Variants in MLLT3 observed in about 807,000 individuals in gnomAD.
The protein encoded by MLLT3 is MLLT3 super elongation complex subunit, also known as protein AF-9.
Under a neutral mutation model 53.2 loss-of-function variants are expected in MLLT3, and 4 were observed. The observed-to-expected ratio is 0.08, with a 90% confidence interval of 0.04 to 0.17. The LOEUF is 0.17. MLLT3 is among the 10% of genes least tolerant of loss of function. MLLT3 has a pLI of 1.00. For missense variants in MLLT3, 569 were observed against 684.0 expected (o/e 0.83, Z 1.87); for synonymous variants, 283 against 230.6 (o/e 1.23, Z -2.06).
intron 2 of MLLT3, among the ~76,000 whole-genome samples, chr9:20,560,850 T>A (rs879115261): frequency 6.6e-6 from 1 of 152,176 alleles, no homozygotes; most frequent in Admixed American, 6.6e-5. Flanking sequence ...ATACAGATTG[T>A]GTAACAATCA....
At position 20,346,305 on chromosome 9, in the gene MLLT3, A is replaced by T. The variant is rs1820864601; in HGVS notation, c.*138T>A. The stretch of plus-strand genomic sequence containing the variant: ...GAAAAATAAAGCTGAAGGTTGTTTG[A>T]TTTTTATTTTTTCCCTTTTGGTTGC... On this transcript the variant is annotated 3_prime_UTR_variant, in exon 11 of 11. Coordinates refer to ENST00000380338, the MANE Select transcript of MLLT3 (RefSeq NM_004529.4). The T allele has an allele frequency of 1.1e-6, 1 of 906,008 alleles. No individual in the cohort carries two copies. The highest frequency in any genetic ancestry group is 1.6e-6 in the Non-Finnish European group (1 of 636,896). The allele number at this position is 906,008 out of a possible 1,614,324, so 56.1% of individuals were successfully genotyped here.
intron 2 of MLLT3, among the ~76,000 whole-genome samples, chr9:20,594,642 C>A (rs1820208824): frequency 6.6e-6 from 1 of 152,182 alleles, no homozygotes; most frequent in Non-Finnish European, 1.5e-5. Context: ...GTCATAAAGA[C>A]CCTGCTTACA....
chr9:20,347,241 G>C (rs1022085899), intron 10 of MLLT3, among the ~76,000 whole-genome samples: 1 of 152,084 alleles, frequency 6.6e-6, no homozygotes, highest in African/African-American at 2.4e-5. Flanking sequence ...TGGTGAAAAT[G>C]TATCTACCTG....
In MLLT3 at chr9:20,588,680, G is replaced by A. The variant is rs553177133; in HGVS notation, c.193+31974C>T. On this transcript the variant is annotated intron_variant, in intron 2 of 10. Transcript: ENST00000380338. ...GTGTACAGGAATGCCTGTGATTTTT[G>A]CACATTGATTTTGTATCCTGAGACT... Among the ~76,000 whole-genome samples the A allele has an allele frequency of 9.9e-5, 15 of 152,242 alleles. No individual in the cohort carries two copies. The South Asian group carries it at 2.1e-3, about 21-fold the overall frequency.
intron 2 of MLLT3, among the ~76,000 whole-genome samples, chr9:20,606,102 G>T (rs1004399867): frequency 7.2e-5 from 11 of 152,116 alleles, no homozygotes; most frequent in African/African-American, 2.6e-4. Context: ...ATTCAATAAC[G>T]TAAAACTATC....
chr9:20,475,865 TAAAGCTATTG>T (rs1824506795), intron 2 of MLLT3, among the ~76,000 whole-genome samples: 1 of 152,130 alleles, frequency 6.6e-6, no homozygotes, highest in African/African-American at 2.4e-5. Context: ...AGAATATCAG[TAAAGCTATTG>T]GTCAGTGTGT....
intron 4 of MLLT3, among the ~76,000 whole-genome samples, chr9:20,428,617 T>C (rs1021464502): frequency 1.3e-5 from 2 of 151,948 alleles, no homozygotes; most frequent in African/African-American, 2.4e-5. Flanking sequence ...GGATGATAAA[T>C]GCACAGAAGA....
chr9:20,406,344 T>C (rs1472364579), intron 5 of MLLT3, among the ~76,000 whole-genome samples: 1 of 152,198 alleles, frequency 6.6e-6, no homozygotes, highest in Non-Finnish European at 1.5e-5. Flanking sequence ...AACTTTGTAC[T>C]ATCTGGACCA....
At chr9:20,572,817 G>C (rs1168562203) in intron 2 of MLLT3, among the ~76,000 whole-genome samples, 1 of 152,034 alleles carries the variant, frequency 6.6e-6, no homozygotes, top group African/African-American at 2.4e-5. Context: ...ATATAAATAA[G>C]TAAACAGTAA....
intron 2 of MLLT3, among the ~76,000 whole-genome samples, chr9:20,482,455 G>A (rs1354338971): frequency 6.6e-6 from 1 of 152,100 alleles, no homozygotes; most frequent in Non-Finnish European, 1.5e-5. Flanking sequence ...CCCTTCTCGG[G>A]TCATTGGAAC....
intron 2 of MLLT3, among the ~76,000 whole-genome samples, chr9:20,512,313 A>T (rs1007682147): frequency 6.6e-6 from 1 of 152,182 alleles, no homozygotes; most frequent in Non-Finnish European, 1.5e-5. Context: ...GCATGCCACC[A>T]TGAATCAGCA....
At chr9:20,531,575 C>T (rs1366807943) in intron 2 of MLLT3, among the ~76,000 whole-genome samples, 2 of 152,202 alleles carry the variant, frequency 1.3e-5, no homozygotes, top group Non-Finnish European at 2.9e-5. Context: ...CAATGAGAAG[C>T]AAGGTCCACT....
At chr9:20,507,043 G>A (rs1055388317) in intron 2 of MLLT3, among the ~76,000 whole-genome samples, 1 of 152,198 alleles carries the variant, frequency 6.6e-6, no homozygotes, top group Non-Finnish European at 1.5e-5. Context: ...AAGAGTGCAA[G>A]GCACCCCCTA....
chr9:20,582,374 C>T (rs1009823822), intron 2 of MLLT3, among the ~76,000 whole-genome samples: 1 of 152,184 alleles, frequency 6.6e-6, no homozygotes, highest in East Asian at 1.9e-4. Context: ...AAAATCCCAC[C>T]ATGTTCTACC....
chr9:20,466,177 G>C (rs970570140), intron 2 of MLLT3, among the ~76,000 whole-genome samples: 4 of 152,178 alleles, frequency 2.6e-5, no homozygotes, highest in South Asian at 4.1e-4. Context: ...GATTTTTTAG[G>C]ATTTTGGAAT....
At chr9:20,432,146 T>C (rs1252008951) in intron 4 of MLLT3, among the ~76,000 whole-genome samples, 2 of 152,224 alleles carry the variant, frequency 1.3e-5, no homozygotes, top group African/African-American at 4.8e-5. Context: ...CAGCAGATAC[T>C]TATTTATTAG....
intron 2 of MLLT3, among the ~76,000 whole-genome samples, chr9:20,577,149 G>C (rs1156472901): frequency 6.6e-6 from 1 of 151,990 alleles, no homozygotes; most frequent in Non-Finnish European, 1.5e-5. Context: ...ACACTGTTCT[G>C]TGTGGTGATT....
At chr9:20,546,861 G>C (rs1454947073) in intron 2 of MLLT3, among the ~76,000 whole-genome samples, 3 of 152,258 alleles carry the variant, frequency 2.0e-5, no homozygotes, top group African/African-American at 7.2e-5. Context: ...AGAGGAGGGT[G>C]CTAAGTAAAA....
chr9:20,487,084 T>G (rs1186294978), intron 2 of MLLT3, among the ~76,000 whole-genome samples: 1 of 152,162 alleles, frequency 6.6e-6, no homozygotes, highest in Non-Finnish European at 1.5e-5. Context: ...ATCCATGTAT[T>G]CATCTATGTT....
Sources: allele counts gnomAD v4.1 joint callset (sites outside exome capture counted in the v4.1 genomes callset), GRCh38; gene constraint gnomAD v4.1.1; transcripts MANE v1.5; gene names NCBI Gene and HGNC (gene_info 2026-07-23, HGNC 2026-07-21).